Variants in PPP2R1A observed in about 807,000 individuals in gnomAD.
The protein encoded by PPP2R1A is protein phosphatase 2 scaffold subunit Aalpha, also known as serine/threonine-protein phosphatase 2A 65 kDa regulatory subunit A alpha isoform.
Under a neutral mutation model 67.1 loss-of-function variants are expected in PPP2R1A, and 15 were observed. The observed-to-expected ratio is 0.22, with a 90% CI of 0.15 to 0.34. The LOEUF (loss-of-function observed/expected upper bound fraction) is 0.34, where lower values mean the gene tolerates loss of function less well. Ranked by LOEUF, PPP2R1A falls within the 10% of genes least tolerant of loss-of-function variation. The pLI, the probability that PPP2R1A is intolerant of heterozygous loss-of-function variation, is 1.00. For missense variants in PPP2R1A, 369 were observed against 775.0 expected (o/e 0.48, Z 6.22); for synonymous variants, 337 against 325.0 (o/e 1.04, Z -0.40).
At chr19:52,209,705 C>T (rs970448777) in intron 3 of PPP2R1A, among the ~76,000 whole-genome samples, 1 of 152,106 alleles carries the variant, frequency 6.6e-6, no homozygotes, top group East Asian at 1.9e-4. Flanking sequence ...TGGCAGCCAC[C>T]GTAGGAGTTT....
chr19:52,226,161 C>T lies in PPP2R1A; in HGVS notation c.*180C>T. 3.2e-6 allele frequency: 3 copies of T among 952,148 alleles called. No individual in the cohort carries two copies. The highest frequency in any genetic ancestry group is 3.1e-6 in the Non-Finnish European group (2 of 635,326). The allele number at this position is 952,148 out of a possible 1,614,324, so 59.0% of individuals were successfully genotyped here. On this transcript the variant is annotated 3_prime_UTR_variant, in exon 15 of 15. Transcript: ENST00000322088. ...CCTGGGAAGATGTCTCACTGTCCAC[C>T]TCCCAACGGGCTAGGGGAGCACGGG...
At chr19:52,204,918 A>G (rs1600162838) in intron 2 of PPP2R1A, among the ~76,000 whole-genome samples, 1 of 152,314 alleles carries the variant, frequency 6.6e-6, no homozygotes, top group East Asian at 1.9e-4. Flanking sequence ...GCTCAGAGAG[A>G]TGAAGTGAGC....
chr19:52,191,057 A>T (rs975102126), intron 1 of PPP2R1A: 2 of 152,100 alleles, frequency 1.3e-5, no homozygotes, highest in African/African-American at 4.8e-5. Context: ...ACGGGGTTTC[A>T]CCATGTTGGC....
rs1307234028 is a variant in PPP2R1A at position 52,219,912 on chromosome 19, G to A, written c.1302+48G>A. 6 of 1,572,840 alleles carry A rather than the reference G, an allele frequency of 3.8e-6. No individual in the cohort carries two copies. Among genetic ancestry groups the A allele is most frequent in the Non-Finnish European group, 5.2e-6 (6 of 1,160,364 alleles). The stretch of plus-strand genomic sequence containing the variant: ...CAGGCAGTGCTGCCTCAGGGGAGGT[G>A]CAGTATGTCCAGGGCTGTGATGGGG... On this transcript the variant is annotated intron_variant, in intron 10 of 14. Coordinates refer to ENST00000322088, the MANE Select transcript of PPP2R1A (RefSeq NM_014225.6). This position sits in a 1 kb window ranked among gnomAD's most constrained non-coding sequence, Gnocchi z 4.0.
rs1306993943 is a variant in PPP2R1A at position 52,220,980 on chromosome 19, A to T, written c.1365A>T (p.Val455=). The T allele has an allele frequency of 1.2e-6, 2 of 1,614,086 alleles. No homozygotes were observed. Among genetic ancestry groups the T allele is most frequent in the Non-Finnish European group, 1.7e-6 (2 of 1,180,012 alleles). The change falls in exon 12 of 15, where the codon GTA becomes GTT. Residue 455 remains valine, a splice_region_variant and synonymous_variant. Coordinates refer to ENST00000322088, the MANE Select transcript of PPP2R1A (RefSeq NM_014225.6). ...SLCMAWLVDH[V]YAIREAATSN... Reference sequence around the variant, plus strand: ...TCTCTCACCCTCACCCTTCTGCAGTATATGCCATCCGCGAGGCAGCCACCA... The same window carrying T: ...TCTCTCACCCTCACCCTTCTGCAGTTTATGCCATCCGCGAGGCAGCCACCA...
chr19:52,215,661 C>T, intron 6 of PPP2R1A, 118 bp from the exon 7 acceptor site: 2 of 777,830 alleles, frequency 2.6e-6, no homozygotes, highest in East Asian at 2.6e-5. Flanking sequence ...TTTAGCACTG[C>T]TTCCAAGGCC....
In PPP2R1A at chr19:52,211,228, A is replaced by T. The variant is rs746369762; in HGVS notation, c.271-32A>T. The T allele has an allele frequency of 6.3e-7, 1 of 1,596,846 alleles. No individual in the cohort carries two copies. The highest frequency in any genetic ancestry group is 1.1e-5 in the South Asian group (1 of 89,844). ...CCAGGGCTGCGGATGGTGGAGAGGGAGCTGTCCAGTGACTTTGTGTTCTCA... is the reference window on the plus strand; with the variant it reads ...CCAGGGCTGCGGATGGTGGAGAGGGTGCTGTCCAGTGACTTTGTGTTCTCA... On this transcript the variant is annotated intron_variant, in intron 3 of 14. Transcript: ENST00000322088. This position sits in a 1 kb window ranked among gnomAD's most constrained non-coding sequence, Gnocchi z 5.3.
intron 6 of PPP2R1A, among the ~76,000 whole-genome samples, chr19:52,215,187 C>G (rs1978490996): frequency 6.6e-6 from 1 of 152,110 alleles, no homozygotes; most frequent in Non-Finnish European, 1.5e-5. Flanking sequence ...TTCTGAGTAG[C>G]TAGGACGATA....
At chr19:52,196,787 T>C (rs2089500069) in intron 1 of PPP2R1A, among the ~76,000 whole-genome samples, 2 of 152,136 alleles carry the variant, frequency 1.3e-5, no homozygotes, top group African/African-American at 4.8e-5. Context: ...GTATCCTCCA[T>C]TCTACCCTCC....
intron 1 of PPP2R1A, among the ~76,000 whole-genome samples, chr19:52,191,606 C>G (rs1275266373): frequency 2.0e-5 from 3 of 152,134 alleles, no homozygotes; most frequent in Non-Finnish European, 4.4e-5. Flanking sequence ...GTTGTATTCC[C>G]GGCCCTTCCA....
chr19:52,207,162 A>T (rs577068644), intron 3 of PPP2R1A, among the ~76,000 whole-genome samples: 2 of 152,208 alleles, frequency 1.3e-5, no homozygotes, highest in Non-Finnish European at 2.9e-5. Context: ...ATACAAATAG[A>T]TCGTTTCATA....
Position 52,212,783 on chromosome 19 carries a change from G to A in PPP2R1A, c.601G>A (p.Val201Ile), listed in dbSNP as rs749905469. 7 of 1,613,214 alleles carry A rather than the reference G, an allele frequency of 4.3e-6. No individual in the cohort carries two copies. Among genetic ancestry groups the A allele is most frequent in the East Asian group, 2.2e-5 (1 of 44,872 alleles). ...EFAKVLELDN[V>I]KSEIIPMFSN... ...TGCCAAGGTGCTGGAGCTGGACAAC[G>A]TCAAGAGTGAGATCATCCCCATGTT... is the stretch of plus-strand genomic sequence containing the variant. Residue 201 changes from valine (V) to isoleucine (I), a missense_variant, in exon 5 of 15, where the codon GTC (valine) becomes ATC (isoleucine). Physicochemically the swap from Val to Ile is conservative, Grantham distance 29 (BLOSUM62 3). Transcript: ENST00000322088. This position sits in a 1 kb window ranked among gnomAD's most constrained non-coding sequence, Gnocchi z 4.1.
At chr19:52,208,339 T>C (rs908320727) in intron 3 of PPP2R1A, among the ~76,000 whole-genome samples, 1 of 151,754 alleles carries the variant, frequency 6.6e-6, no homozygotes, top group Non-Finnish European at 1.5e-5. Flanking sequence ...CAGCTAATTT[T>C]TGCATTTTTA....
chr19:52,219,983 GGAGTC>G lies in PPP2R1A; in HGVS notation c.1302+122_1302+126del. 2 of 1,342,914 alleles carry G rather than the reference GGAGTC, an allele frequency of 1.5e-6. No individual in the cohort carries two copies. Among genetic ancestry groups the G allele is most frequent in the South Asian group, 2.8e-5 (2 of 70,182 alleles). 83.2% of individuals were successfully genotyped at this position (1,342,914 alleles called of 1,614,324 possible). A position where few individuals can be genotyped will look rare whatever the true frequency, so the allele number is the denominator to read the frequency against. On this transcript the variant is annotated intron_variant, in intron 10 of 14. Transcript: ENST00000322088. This position sits in a 1 kb window ranked among gnomAD's most constrained non-coding sequence, Gnocchi z 4.0. ...AGTGGAGGCTGTGACAACTGCCTGG[GGAGTC>G]GAAGGAAGGGACCCAGGAAATAGGG... is the stretch of plus-strand genomic sequence containing the variant.
chr19:52,193,638 C>G (rs1047335193), intron 1 of PPP2R1A, among the ~76,000 whole-genome samples: 2 of 152,092 alleles, frequency 1.3e-5, no homozygotes, highest in African/African-American at 2.4e-5. Flanking sequence ...CAGGCCGTCT[C>G]TGCTCATTGC....
At chr19:52,220,008 A>G (rs1030507564) in intron 10 of PPP2R1A, 144 bp downstream of exon 10, 1 of 1,247,496 alleles carries the variant, frequency 8.0e-7, no homozygotes. Flanking sequence ...GACCCAGGAA[A>G]TAGGGCCTTA....
At chr19:52,208,622 C>T (rs192134644) in intron 3 of PPP2R1A, among the ~76,000 whole-genome samples, 1 of 152,298 alleles carries the variant, frequency 6.6e-6, no homozygotes, top group East Asian at 1.9e-4. Flanking sequence ...GCCTCAGCCT[C>T]CCAAGTAGCT....
rs1002098685 is a variant in PPP2R1A at position 52,213,643 on chromosome 19, C to T, written c.807+533C>T. On this transcript the variant is annotated intron_variant, in intron 6 of 14. Coordinates refer to ENST00000322088, the MANE Select transcript of PPP2R1A (RefSeq NM_014225.6). This position sits in a 1 kb window ranked among gnomAD's most constrained non-coding sequence, Gnocchi z 4.2. ...GATTACAGATGCCCACCACGACACC[C>T]GGCTAGTTTTTGTATTTTTATTAGA... 1.3e-5 allele frequency among the ~76,000 whole-genome samples: 2 copies of T among 151,326 alleles called. No individual in the cohort carries two copies. Among genetic ancestry groups the T allele is most frequent in the Non-Finnish European group, 2.9e-5 (2 of 67,816 alleles).
intron 1 of PPP2R1A, among the ~76,000 whole-genome samples, chr19:52,193,568 T>G (rs1332619576): frequency 2.0e-5 from 3 of 152,158 alleles, no homozygotes; most frequent in African/African-American, 7.2e-5. Flanking sequence ...CAAGCCTAAT[T>G]GTAACACTTT....
Sources: allele counts gnomAD v4.1 joint callset (sites outside exome capture counted in the v4.1 genomes callset), GRCh38; gene constraint gnomAD v4.1.1; non-coding constraint Gnocchi (gnomAD v3.1); transcripts MANE v1.5; gene names NCBI Gene and HGNC (gene_info 2026-07-23, HGNC 2026-07-21).